NXPE4: variants seen among roughly 807,000 people sequenced by gnomAD.
The protein encoded by NXPE4 is neurexophilin and PC-esterase domain family member 4.
In NXPE4, 42 loss-of-function variants were observed where a neutral mutation model predicts 33.3. That is an observed-to-expected ratio of 1.26 (90% CI 0.98 to 1.63). NXPE4 has a LOEUF of 1.63. Among genes scored for constraint, NXPE4 ranks in the 40% most tolerant of loss-of-function variants. The pLI is 0.00. For synonymous variants in NXPE4, 253 were observed against 234.9 expected, an observed-to-expected ratio of 1.08 and a Z score of -0.71; for missense variants, 709 against 647.6, an observed-to-expected ratio of 1.09 and a Z score of -1.03.
At chr11:114,613,631 G>A in the NXPE4 span, among the ~76,000 whole-genome samples, 1 of 151,730 alleles carries the variant, frequency 6.6e-6, no homozygotes, top group Non-Finnish European at 1.5e-5. Flanking sequence ...GTTACACACT[G>A]GATAACAAGT....
the NXPE4 span, among the ~76,000 whole-genome samples, chr11:114,622,566 T>A: frequency 6.6e-6 from 1 of 152,028 alleles, no homozygotes; most frequent in East Asian, 1.9e-4. Context: ...GCCTCGTGGG[T>A]AACCACTGCT....
chr11:114,616,561 G>A, the NXPE4 span, among the ~76,000 whole-genome samples: 1 of 151,526 alleles, frequency 6.6e-6, no homozygotes, highest in Non-Finnish European at 1.5e-5. Context: ...AAAAATTATT[G>A]CCTCATGGGT....
the NXPE4 span, among the ~76,000 whole-genome samples, chr11:114,632,881 T>C: frequency 1.1e-5 from 1 of 87,034 alleles, no homozygotes; most frequent in Non-Finnish European, 1.9e-5. Context: ...TATATAATTA[T>C]ATATTATATA....
the NXPE4 span, among the ~76,000 whole-genome samples, chr11:114,675,947 T>A: frequency 6.6e-6 from 1 of 151,888 alleles, no homozygotes; most frequent in African/African-American, 2.4e-5. Context: ...TAAATCCACA[T>A]GTTTACAGTC....
the NXPE4 span, among the ~76,000 whole-genome samples, chr11:114,601,815 T>TA: frequency 1.4e-5 from 1 of 70,970 alleles, no homozygotes; most frequent in African/African-American, 6.6e-5. Flanking sequence ...TATTATATAA[T>TA]TATATATAAT....
rs754632542 is a variant in NXPE4 at position 114,582,498 on chromosome 11, T to C, written c.620A>G (p.Gln207Arg). ...GACTTGGGAAGTGCCATTGACAAAC[T>C]GGCCAGTGAAGATCACCCTGTCATA... ...QGYDRVIFTG[Q>R]FVNGTSQVHS... Residue 207 changes from glutamine (Q) to arginine (R), a missense_variant, in exon 3 of 6, where the codon CAG becomes CGG. By Grantham distance (43) the Gln-to-Arg change is conservative. Coordinates refer to ENST00000375478, the MANE Select transcript of NXPE4 (RefSeq NM_001077639.2). 29 of 1,614,054 alleles carry C rather than the reference T, an allele frequency of 1.8e-5. No homozygotes were observed. In the Admixed American group the frequency reaches 4.8e-4, roughly 27 times the overall value.
At position 114,580,285 on chromosome 11, in the gene NXPE4, G is replaced by T. The variant is rs1206674059; in HGVS notation, c.946C>A (p.Pro316Thr). Residue 316 changes from proline (P) to threonine (T), a missense_variant, in exon 5 of 6, where the codon CCC (proline) becomes ACC (threonine). Coordinates refer to ENST00000375478, the MANE Select transcript of NXPE4 (RefSeq NM_001077639.2). ...GTGTTTCTCCAGACATGCCCACTGG[G>T]GATTGTGGATGTCATTCCAAACTTG... The part of the protein sequence containing the change: ...KCKFGMTSTI[P>T]SGHVWRNTWN... 2 of 1,613,832 alleles carry T rather than the reference G, an allele frequency of 1.2e-6. No individual in the cohort carries two copies. Among genetic ancestry groups the T allele is most frequent in the Admixed American group, 1.7e-5 (1 of 59,992 alleles).
the NXPE4 span, among the ~76,000 whole-genome samples, chr11:114,622,868 AC>A: frequency 1.4e-5 from 2 of 144,580 alleles, no homozygotes. Context: ...ACCACTGTTA[AC>A]CAGTTGATAA....
chr11:114,573,190 T>C, intron 5 of NXPE4, among the ~76,000 whole-genome samples: 1 of 152,054 alleles, frequency 6.6e-6, no homozygotes, highest in South Asian at 2.1e-4. Flanking sequence ...AGCACTACAA[T>C]AACTACTAAA....
chr11:114,650,088 GTAATATACAAAAGTGTAACTT>G, the NXPE4 span, among the ~76,000 whole-genome samples: 3 of 152,058 alleles, frequency 2.0e-5, no homozygotes, highest in African/African-American at 7.2e-5. Context: ...AAAAATCCAG[GTAATATACAAAAGTGTAACTT>G]TCTCAAATAC....
the NXPE4 span, among the ~76,000 whole-genome samples, chr11:114,642,640 C>A: frequency 6.6e-6 from 1 of 152,100 alleles, no homozygotes; most frequent in African/African-American, 2.4e-5. Flanking sequence ...ACATGTGCCA[C>A]ATCTTCTTTA....
Position 114,582,422 on chromosome 11 carries a change from G to A in NXPE4, c.696C>T (p.Tyr232=), listed in dbSNP as rs766649665. 2 of 1,614,040 alleles carry A rather than the reference G, an allele frequency of 1.2e-6. No individual in the cohort carries two copies. Among genetic ancestry groups the A allele is most frequent in the Non-Finnish European group, 1.7e-6 (2 of 1,180,002 alleles). Residue 232 remains tyrosine (Y), a synonymous_variant, in exon 3 of 6, where the codon TAC becomes TAT. Coordinates refer to ENST00000375478, the MANE Select transcript of NXPE4 (RefSeq NM_001077639.2). ...ILNTNAELCQ[Y]LDNRDQEGFY... ...AGCCTTCTTGGTCTCTGTTGTCCAG[G>A]TACTGGCACAATTCAGCATTTGTGT...
chr11:114,598,298 A>T (rs1284068081), upstream of NXPE4, among the ~76,000 whole-genome samples: 1 of 20,290 alleles, frequency 4.9e-5, no homozygotes, highest in Non-Finnish European at 1.0e-4. Context: ...CTTTGTGTTG[A>T]GTGCCTTTGG....
the NXPE4 span, among the ~76,000 whole-genome samples, chr11:114,630,520 A>G: frequency 2.0e-5 from 3 of 151,704 alleles, no homozygotes; most frequent in Admixed American, 6.6e-5. Context: ...ACAAAAATCA[A>G]TTCAAGATGG....
chr11:114,610,576 G>T, the NXPE4 span, among the ~76,000 whole-genome samples: 1 of 106,528 alleles, frequency 9.4e-6, no homozygotes, highest in East Asian at 2.0e-4. Context: ...GTTACCCGGT[G>T]GATAATAGGT....
At chr11:114,583,200 C>T in intron 2 of NXPE4, 179 bp from the exon 3 acceptor site, 1 of 777,098 alleles carries the variant, frequency 1.3e-6, no homozygotes, top group South Asian at 1.9e-5. Flanking sequence ...AATAAAAAGG[C>T]ATAGAATGGA....
intron 2 of NXPE4, chr11:114,583,776 T>G (rs1949213107): frequency 4.4e-6 from 2 of 458,650 alleles, no homozygotes; most frequent in African/African-American, 4.0e-5. Context: ...TATGTTGACG[T>G]TGATATTCAC....
the NXPE4 span, among the ~76,000 whole-genome samples, chr11:114,613,848 G>A: frequency 7.3e-5 from 11 of 151,612 alleles, no homozygotes; most frequent in South Asian, 2.1e-4. Flanking sequence ...TGGATAATAC[G>A]TATTGCCTAA....
chr11:114,582,778 C>T lies in NXPE4; in HGVS notation c.340G>A (p.Gly114Arg), dbSNP rs565034018. ...ILNPRDTYCR[G>R]DQLHILLEVR... ...TCCAGCAGGATGTGCAGCTGGTCTC[C>T]CCTGCAGTACGTATCTCGAGGGTTG... Residue 114 changes from glycine to arginine, a missense_variant, in exon 3 of 6, where the codon GGA (glycine) becomes AGA (arginine). Coordinates refer to ENST00000375478, the MANE Select transcript of NXPE4 (RefSeq NM_001077639.2). 2.5e-6 allele frequency: 4 copies of T among 1,614,164 alleles called. No homozygotes were observed. The South Asian group carries it at 3.3e-5, about 13-fold the overall frequency.
Sources: gnomAD v4.1 joint callset for allele counts (sites outside exome capture counted in the v4.1 genomes callset) on GRCh38, gnomAD v4.1.1 for gene constraint, MANE v1.5 for transcripts, NCBI Gene and HGNC (gene_info 2026-07-23, HGNC 2026-07-21) for gene names.